Variants in DDX47 observed in about 807,000 individuals in gnomAD.
DDX47 encodes the protein DEAD-box helicase 47.
In DDX47, 60 loss-of-function variants were observed where a neutral mutation model predicts 58.8. The ratio of observed to expected loss-of-function variants is 1.02; its 90% CI spans 0.83 to 1.26. The LOEUF is 1.26. DDX47 is among the 50% of genes most tolerant of loss of function. The probability of loss-of-function intolerance (pLI) is 0.00; values close to 1 mark genes in which losing one functional copy is unlikely to be tolerated. For synonymous variants in DDX47, 197 were observed against 204.6 expected, an observed-to-expected ratio of 0.96 and a Z score of 0.32; for missense variants, 530 against 573.2, an observed-to-expected ratio of 0.92 and a Z score of 0.77.
At chr12:12,825,968 T>C in intron 9 of DDX47, 32 bp from the exon 10 acceptor site, 1 of 1,572,104 alleles carries the variant, frequency 6.4e-7, no homozygotes, top group Non-Finnish European at 8.7e-7. Flanking sequence ...ATAATCCATA[T>C]AACTTGAATT....
rs573536311 is a variant in DDX47, at chr12:12,820,966, A to G, written c.182-242A>G. On this transcript the variant is annotated intron_variant, in intron 2 of 11. Coordinates refer to ENST00000358007, the MANE Select transcript of DDX47 (RefSeq NM_016355.4). ...TCCTTGTGTTCTCGCTGTATTTTGCAGGGGCTTATATTAAAACTCTTATCA... is the reference window on the plus strand; with the variant it reads ...TCCTTGTGTTCTCGCTGTATTTTGCGGGGGCTTATATTAAAACTCTTATCA... 3.9e-5 allele frequency among the ~76,000 whole-genome samples: 6 copies of G among 152,190 alleles called. No individual in the cohort carries two copies. The South Asian group carries it at 6.2e-4, about 16-fold the overall frequency.
intron 5 of DDX47, 81 bp from the exon 6 acceptor site, chr12:12,822,580 C>T: frequency 8.7e-7 from 1 of 1,146,552 alleles, no homozygotes; most frequent in African/African-American, 1.5e-5. Context: ...TTGTTAGTGT[C>T]TACCTCCTTC....
intron 5 of DDX47, 75 bp from the exon 6 acceptor site, chr12:12,822,586 C>T (rs746716210): frequency 3.0e-5 from 37 of 1,222,020 alleles, no homozygotes; most frequent in Non-Finnish European, 4.3e-5. Context: ...GTGTCTACCT[C>T]CTTCACTACC....
chr12:12,826,261 T>C (rs992553888), intron 10 of DDX47, 191 bp downstream of exon 10: 8 of 478,950 alleles, frequency 1.7e-5, no homozygotes, highest in Non-Finnish European at 3.0e-5. Context: ...AGATTATATA[T>C]GTAAAAGATC....
intron 7 of DDX47, 115 bp downstream of exon 7, chr12:12,823,434 G>C (rs1464019960): frequency 1.4e-6 from 1 of 730,098 alleles, no homozygotes; most frequent in Non-Finnish European, 2.4e-6. Flanking sequence ...CATCCTGTCT[G>C]TTTGCTTTAG....
At chr12:12,814,534 C>A in intron 2 of DDX47, 1 of 289,542 alleles carries the variant, frequency 3.5e-6, no homozygotes, top group South Asian at 3.8e-5. Flanking sequence ...GGAAGGATGC[C>A]TGGAACACAT....
At chr12:12,818,382 G>A (rs920956248) in intron 2 of DDX47, among the ~76,000 whole-genome samples, 4 of 152,196 alleles carry the variant, frequency 2.6e-5, no homozygotes, top group South Asian at 2.1e-4. Flanking sequence ...TTAGCAGGGC[G>A]TGGTGACGGG....
chr12:12,829,445 A>G lies in DDX47; in HGVS notation c.1259A>G (p.Lys420Arg). The G allele has an allele frequency of 6.2e-7, 1 of 1,612,758 alleles. No homozygotes were observed. The highest frequency in any genetic ancestry group is 1.1e-5 in the South Asian group (1 of 90,772). ...CAGGAGTTAAGGGAGCATGGAGAAA[A>G]GAAGAAACGCTCGCGAGAGGATGCT... ...ARMELREHGE[K>R]KKRSREDAGD... The change falls in exon 12 of 12, where the codon AAG (lysine) becomes AGG (arginine). Residue 420 changes from lysine (K) to arginine (R), a missense_variant. By Grantham distance (26) the Lys-to-Arg change is conservative. Transcript: ENST00000358007.
intron 7 of DDX47, 161 bp from the exon 8 acceptor site, chr12:12,823,709 A>G: frequency 1.4e-6 from 1 of 691,458 alleles, no homozygotes; most frequent in Non-Finnish European, 2.4e-6. Context: ...TATGTGGTTC[A>G]CAGAGATGAT....
chr12:12,824,203 A>C, intron 8 of DDX47, 187 bp downstream of exon 8: 1 of 712,498 alleles, frequency 1.4e-6, no homozygotes, highest in Non-Finnish European at 2.2e-6. Context: ...AGAGGCTCCC[A>C]TTAGAATATT....
Position 12,823,864 on chromosome 12 carries a change from A to G in DDX47, c.751-6A>G, listed in dbSNP as rs1863010236. On this transcript the variant is annotated splice_region_variant and splice_polypyrimidine_tract_variant and intron_variant, in intron 7 of 11. Coordinates refer to ENST00000358007, the MANE Select transcript of DDX47 (RefSeq NM_016355.4). The stretch of plus-strand genomic sequence containing the variant: ...TGACATATATTGTTTTGGGTTTGTA[A>G]CTTAGGATACCTACCTGGTTTATAT... The G allele has an allele frequency of 6.2e-7, 1 of 1,612,854 alleles. No individual in the cohort carries two copies. The highest frequency in any genetic ancestry group is 8.5e-7 in the Non-Finnish European group (1 of 1,179,482).
Position 12,821,512 on chromosome 12 carries a change from T to C in DDX47, c.370+116T>C, listed in dbSNP as rs1862972727. On this transcript the variant is annotated intron_variant, in intron 3 of 11. Transcript: ENST00000358007. Reference sequence around the variant, plus strand: ...ATAATTTATTGACCTAAAGAGCTAATGTTGTATTTGAGCTTTGGGAAGAGT... The same window carrying C: ...ATAATTTATTGACCTAAAGAGCTAACGTTGTATTTGAGCTTTGGGAAGAGT... 1.4e-5 allele frequency: 20 copies of C among 1,430,570 alleles called. 1 individual carries two copies. The South Asian group carries it at 2.3e-4, about 17-fold the overall frequency. The allele number at this position is 1,430,570 out of a possible 1,614,324, so 88.6% of individuals were successfully genotyped here. A position where few individuals can be genotyped will look rare whatever the true frequency, so the allele number is the denominator to read the frequency against.
chr12:12,829,616 C>G lies in DDX47; in HGVS notation c.*62C>G. ...AAAGAGAATTGGAGAATGAAACCTG[C>G]TCCAACAGAGATCATGAGACTGAAA... is the stretch of plus-strand genomic sequence containing the variant. On this transcript the variant is annotated 3_prime_UTR_variant, in exon 12 of 12. Coordinates refer to ENST00000358007, the MANE Select transcript of DDX47 (RefSeq NM_016355.4). 2 of 1,572,786 alleles carry G rather than the reference C, an allele frequency of 1.3e-6. No individual in the cohort carries two copies. Among genetic ancestry groups the G allele is most frequent in the Non-Finnish European group, 1.7e-6 (2 of 1,158,262 alleles).
chr12:12,827,930 G>A (rs565082495), intron 11 of DDX47, among the ~76,000 whole-genome samples: 7 of 144,550 alleles, frequency 4.8e-5, no homozygotes, highest in Non-Finnish European at 6.0e-5. Flanking sequence ...AGGCTGGAGC[G>A]AATGGTGCAA....
chr12:12,823,499 A>G, intron 7 of DDX47, 180 bp downstream of exon 7: 4 of 597,802 alleles, frequency 6.7e-6, no homozygotes, highest in Middle Eastern at 4.5e-4. Flanking sequence ...AGGAATTCAC[A>G]ACACATTAAA....
chr12:12,827,220 A>T, intron 10 of DDX47, 26 bp from the exon 11 acceptor site: 1 of 1,610,856 alleles, frequency 6.2e-7, no homozygotes, highest in Non-Finnish European at 8.5e-7. Flanking sequence ...CCAGGCAACC[A>T]GAGCTGTGCA....
chr12:12,829,530 A>G lies in DDX47; in HGVS notation c.1344A>G (p.Lys448=). The change falls in exon 12 of 12, where the codon AAA becomes AAG. Residue 448 remains lysine (K), a synonymous_variant. Transcript: ENST00000358007. ...IGVRNKVAGG[K]MKKRKGR Reference sequence around the variant, plus strand: ...TCAGGAACAAGGTGGCTGGAGGAAAAATGAAGAAGCGGAAAGGCCGTTAAT... The same window carrying G: ...TCAGGAACAAGGTGGCTGGAGGAAAGATGAAGAAGCGGAAAGGCCGTTAAT... 2 of 1,613,876 alleles carry G rather than the reference A, an allele frequency of 1.2e-6. No individual in the cohort carries two copies. The highest frequency in any genetic ancestry group is 1.7e-6 in the Non-Finnish European group (2 of 1,179,866).
intron 9 of DDX47, chr12:12,825,024 G>C (rs1863029534): frequency 6.0e-6 from 1 of 167,934 alleles, no homozygotes; most frequent in African/African-American, 2.4e-5. Flanking sequence ...ACCCAGTCTG[G>C]AGTGCAGTGG....
In DDX47 at chr12:12,821,280, C is replaced by T. The variant is rs754459426; in HGVS notation, c.254C>T (p.Ala85Val). ...TGAFALPILN[A>V]LLETPQRLFA... Reference sequence around the variant, plus strand: ...GCCTTTGCTTTGCCCATTCTAAACGCACTGCTGGAGACCCCGCAGCGTTTG... The same window carrying T: ...GCCTTTGCTTTGCCCATTCTAAACGTACTGCTGGAGACCCCGCAGCGTTTG... The change falls in exon 3 of 12, where the codon GCA (alanine) becomes GTA (valine). Residue 85 changes from alanine (A) to valine (V), a missense_variant. Physicochemically the swap from Ala to Val is moderately conservative, Grantham distance 64. Transcript: ENST00000358007. 1.2e-6 allele frequency: 2 copies of T among 1,614,100 alleles called. No homozygotes were observed. Among genetic ancestry groups the T allele is most frequent in the African/African-American group, 1.3e-5 (1 of 74,932 alleles).
Sources: allele counts gnomAD v4.1 joint callset (sites outside exome capture counted in the v4.1 genomes callset), GRCh38; gene constraint gnomAD v4.1.1; transcripts MANE v1.5; gene names NCBI Gene and HGNC (gene_info 2026-07-23, HGNC 2026-07-21).